NELL1: variants seen among roughly 807,000 people sequenced by gnomAD.
NELL1 encodes protein kinase C-binding protein NELL1.
A neutral mutation model predicts 107.4 loss-of-function variants in NELL1; 76 were observed. The ratio of observed to expected loss-of-function variants is 0.71; its 90% CI spans 0.59 to 0.86. The LOEUF (loss-of-function observed/expected upper bound fraction) is 0.86. Ranked by LOEUF, NELL1 falls within the 40% of genes least tolerant of loss-of-function variation. The pLI is 0.00. For synonymous variants in NELL1, 353 were observed against 341.2 expected (o/e 1.03, Z -0.38); for missense variants, 1,024 against 1,005.5 (o/e 1.02, Z -0.25).
chr11:21,398,014 T>C (rs1281151780), intron 15 of NELL1, among the ~76,000 whole-genome samples: 5 of 151,242 alleles, frequency 3.3e-5, no homozygotes, highest in Non-Finnish European at 5.9e-5. Context: ...TCAGGCTAAA[T>C]GAACTAAGAT....
At chr11:21,009,676 C>T (rs10500888) in intron 12 of NELL1, among the ~76,000 whole-genome samples, 3,585 of 151,998 alleles carry the variant, frequency 0.024, 145 homozygotes, top group African/African-American at 0.082. Context: ...TTGACATGCC[C>T]GTAGAACTTG....
At chr11:21,042,597 G>T (rs932114073) in intron 12 of NELL1, among the ~76,000 whole-genome samples, 1 of 152,176 alleles carries the variant, frequency 6.6e-6, no homozygotes, top group East Asian at 1.9e-4. Context: ...GCCAGAAGTT[G>T]TCTCAGCACC....
intron 12 of NELL1, among the ~76,000 whole-genome samples, chr11:21,100,744 T>G (rs1406560859): frequency 6.6e-6 from 1 of 152,194 alleles, no homozygotes; most frequent in Non-Finnish European, 1.5e-5. Flanking sequence ...CCATAGCAGC[T>G]TTGCTTAATT....
chr11:21,017,910 A>G (rs551991064), intron 12 of NELL1, among the ~76,000 whole-genome samples: 10 of 152,028 alleles, frequency 6.6e-5, no homozygotes, highest in Non-Finnish European at 1.2e-4. Flanking sequence ...TGACTTATCT[A>G]CTCACAGCCT....
chr11:21,312,078 TG>T (rs1849762023), intron 14 of NELL1, among the ~76,000 whole-genome samples: 1 of 152,090 alleles, frequency 6.6e-6, no homozygotes, highest in Admixed American at 6.6e-5. Context: ...GCCAGCACCT[TG>T]ATTTTGGATT....
At chr11:21,469,507 C>G (rs1468498325) in intron 15 of NELL1, among the ~76,000 whole-genome samples, 1 of 152,190 alleles carries the variant, frequency 6.6e-6, no homozygotes, top group South Asian at 2.1e-4. Flanking sequence ...CAGTTCTGCT[C>G]TCTATAATTG....
At chr11:21,112,882 A>G (rs570418893) in intron 12 of NELL1, among the ~76,000 whole-genome samples, 3 of 152,134 alleles carry the variant, frequency 2.0e-5, no homozygotes, top group African/African-American at 7.2e-5. Context: ...TTTGAAAACA[A>G]TCTCCAGAAA....
chr11:21,448,182 T>C (rs1047856714), intron 15 of NELL1, among the ~76,000 whole-genome samples: 4 of 152,186 alleles, frequency 2.6e-5, no homozygotes, highest in African/African-American at 4.8e-5. Context: ...CACTTGCTTT[T>C]TGGTTCTTAT....
intron 14 of NELL1, among the ~76,000 whole-genome samples, chr11:21,306,829 G>A (rs992417997): frequency 1.3e-5 from 2 of 152,028 alleles, no homozygotes; most frequent in African/African-American, 4.8e-5. Flanking sequence ...TTTTTCATTA[G>A]CAGGGATGCT....
At chr11:21,270,045 A>T (rs1848710295) in intron 14 of NELL1, among the ~76,000 whole-genome samples, 1 of 152,114 alleles carries the variant, frequency 6.6e-6, no homozygotes, top group Admixed American at 6.5e-5. Context: ...TTGTTTAAAA[A>T]AAAGTATATT....
At chr11:21,222,163 G>A (rs1046260820) in intron 13 of NELL1, among the ~76,000 whole-genome samples, 3 of 151,636 alleles carry the variant, frequency 2.0e-5, no homozygotes, top group Non-Finnish European at 4.4e-5. Context: ...TTGATCTTTT[G>A]TATTTTGTTT....
intron 3 of NELL1, among the ~76,000 whole-genome samples, chr11:20,820,311 C>T (rs765667035): frequency 5.3e-5 from 8 of 152,124 alleles, no homozygotes; most frequent in Non-Finnish European, 7.4e-5. Flanking sequence ...GGCCTGTGGC[C>T]GGTTTACACC....
At chr11:21,563,592 A>G (rs1303638347) in intron 17 of NELL1, among the ~76,000 whole-genome samples, 1 of 152,070 alleles carries the variant, frequency 6.6e-6, no homozygotes, top group Admixed American at 6.6e-5. Context: ...ATTAGGTATT[A>G]TTAGTAATCT....
chr11:21,499,515 TTTC>T (rs1465868379), intron 15 of NELL1, among the ~76,000 whole-genome samples: 1 of 152,120 alleles, frequency 6.6e-6, no homozygotes, highest in East Asian at 1.9e-4. Flanking sequence ...TCCTCCAAAG[TTTC>T]TTCTTGGCCT....
chr11:21,423,814 CA>C lies in NELL1; in HGVS notation c.1645+52867del, dbSNP rs576461682. 4.7e-4 allele frequency among the ~76,000 whole-genome samples: 71 copies of C among 152,132 alleles called. 1 individual carries two copies. The South Asian group carries it at 0.014, about 31-fold the overall frequency. On this transcript the variant is annotated intron_variant, in intron 15 of 19. Transcript: ENST00000357134. ...ACAGGATGAAGTCAGAAATGAATAC[CA>C]GAAGGAAAACTGGAAAAATTACAAA... is the stretch of plus-strand genomic sequence containing the variant.
At chr11:20,993,250 C>T (rs564408093) in intron 12 of NELL1, among the ~76,000 whole-genome samples, 2 of 152,304 alleles carry the variant, frequency 1.3e-5, no homozygotes, top group East Asian at 3.9e-4. Context: ...TTCCACCTAA[C>T]ATAATCATGA....
chr11:20,856,201 T>C (rs2134067872), intron 4 of NELL1, among the ~76,000 whole-genome samples: 1 of 152,312 alleles, frequency 6.6e-6, no homozygotes, highest in African/African-American at 2.4e-5. Flanking sequence ...CTAGGTGACT[T>C]TTCTCTCCAG....
intron 12 of NELL1, among the ~76,000 whole-genome samples, chr11:20,964,122 C>G (rs147517763): frequency 0.01 from 1,546 of 152,242 alleles, 23 homozygotes; most frequent in African/African-American, 0.035. Flanking sequence ...ATTTTGAAAA[C>G]TGCTCTAGTT....
chr11:21,542,600 CT>C (rs1278323389), intron 16 of NELL1, among the ~76,000 whole-genome samples: 1 of 151,932 alleles, frequency 6.6e-6, no homozygotes, highest in African/African-American at 2.4e-5. Flanking sequence ...GCACCTCAGC[CT>C]TGATAATACT....
Sources: allele counts gnomAD v4.1 joint callset (sites outside exome capture counted in the v4.1 genomes callset), GRCh38; gene constraint gnomAD v4.1.1; transcripts MANE v1.5; gene names NCBI Gene and HGNC (gene_info 2026-07-23, HGNC 2026-07-21).